DDR2: variants seen among roughly 807,000 people sequenced by gnomAD.
DDR2 encodes the protein discoidin domain receptor tyrosine kinase 2.
DDR2 carries 27 observed loss-of-function variants against 94.9 expected under a neutral mutation model. The ratio of observed to expected loss-of-function variants is 0.28; its 90% CI spans 0.21 to 0.39. The LOEUF is 0.39. DDR2 is among the 10% of genes least tolerant of loss of function. The pLI is 1.00. For synonymous variants in DDR2, 382 were observed against 377.2 expected (o/e 1.01, Z -0.15); for missense variants, 783 against 1,076.0 (o/e 0.73, Z 3.81).
chr1:162,781,245 T>G lies in DDR2; in HGVS notation c.*999T>G, dbSNP rs1212466020. The G allele has an allele frequency of 6.6e-6, 1 of 152,240 alleles. No homozygotes were observed. Among genetic ancestry groups the G allele is most frequent in the Non-Finnish European group, 1.5e-5 (1 of 68,050 alleles). The allele number at this position is 152,240 out of a possible 1,614,324, so 9.4% of individuals were successfully genotyped here. A position where few individuals can be genotyped will look rare whatever the true frequency, so the allele number is the denominator to read the frequency against. The stretch of plus-strand genomic sequence containing the variant: ...CTAGCATTTTCAAGGATGAAGCCTC[T>G]GTGGGATCTTTGGGCTTGGGGCTGA... On this transcript the variant is annotated 3_prime_UTR_variant, in exon 18 of 18. Coordinates refer to ENST00000367921, the MANE Select transcript of DDR2 (RefSeq NM_006182.4).
intron 2 of DDR2, among the ~76,000 whole-genome samples, chr1:162,665,179 C>T (rs567510214): frequency 1.3e-5 from 2 of 152,270 alleles, no homozygotes; most frequent in East Asian, 3.9e-4. Context: ...TTCTGAAACT[C>T]TACTTGTTCC....
chr1:162,679,048 T>C (rs956507101), intron 2 of DDR2, among the ~76,000 whole-genome samples: 1 of 151,964 alleles, frequency 6.6e-6, no homozygotes, highest in Non-Finnish European at 1.5e-5. Flanking sequence ...ACTAGCTCTT[T>C]TTTTTTTTTA....
chr1:162,773,733 T>C, intron 14 of DDR2, 137 bp downstream of exon 14: 2 of 1,206,080 alleles, frequency 1.7e-6, no homozygotes, highest in South Asian at 2.6e-5. Context: ...CTGTTATCCT[T>C]TTTCTTATTC....
chr1:162,735,075 G>T (rs191328411), intron 3 of DDR2, among the ~76,000 whole-genome samples: 14 of 152,262 alleles, frequency 9.2e-5, no homozygotes, highest in African/African-American at 2.9e-4. Context: ...GGACTGGATG[G>T]TTCTCAAAGG....
At position 162,785,891 on chromosome 1, in the gene DDR2, G is replaced by A. The variant is rs1233840135; in HGVS notation, c.*5645G>A. On this transcript the variant is annotated 3_prime_UTR_variant, in exon 18 of 18. Transcript: ENST00000367921. ...CAGCAATGAAAGGTAGTTCTCCACA[G>A]GACACCGAATCAAAAGGAGAGACCA... is the stretch of plus-strand genomic sequence containing the variant. 2 of 152,148 alleles carry A rather than the reference G, an allele frequency of 1.3e-5. No individual in the cohort carries two copies. Among genetic ancestry groups the A allele is most frequent in the Non-Finnish European group, 2.9e-5 (2 of 68,034 alleles). The allele number at this position is 152,148 out of a possible 1,614,324, so 9.4% of individuals were successfully genotyped here.
intron 4 of DDR2, among the ~76,000 whole-genome samples, chr1:162,753,756 G>A (rs1663327187): frequency 6.6e-6 from 1 of 152,144 alleles, no homozygotes; most frequent in Non-Finnish European, 1.5e-5. Context: ...GATTTCAGGG[G>A]TCTTGTACAT....
rs896204552 is a variant in DDR2 at position 162,783,162 on chromosome 1, A to G, written c.*2916A>G. The G allele has an allele frequency of 7.2e-5, 11 of 152,296 alleles. No individual in the cohort carries two copies. Among genetic ancestry groups the G allele is most frequent in the African/African-American group, 2.6e-4 (11 of 41,562 alleles). The allele number at this position is 152,296 out of a possible 1,614,324, so 9.4% of individuals were successfully genotyped here. On this transcript the variant is annotated 3_prime_UTR_variant, in exon 18 of 18. Transcript: ENST00000367921. ...ATCTTCTTCATGATATATGTGAATTATTTTATGTGCAGATTGTGTTTTGGG... is the reference window on the plus strand; with the variant it reads ...ATCTTCTTCATGATATATGTGAATTGTTTTATGTGCAGATTGTGTTTTGGG...
Position 162,701,574 on chromosome 1 carries a change from A to G in DDR2, c.-27-17463A>G, listed in dbSNP as rs1187798240. Among the ~76,000 whole-genome samples, 3 of 152,372 alleles carry G rather than the reference A, an allele frequency of 2.0e-5. 1 individual carries two copies. Among genetic ancestry groups the G allele is most frequent in the East Asian group, 3.9e-4 (2 of 5,184 alleles). On this transcript the variant is annotated intron_variant, in intron 2 of 17. Coordinates refer to ENST00000367921, the MANE Select transcript of DDR2 (RefSeq NM_006182.4). ...CTTTTGCACTCTGGTGAACAGACACATAGATTATTAAAACTGAAAGTGATC... is the reference window on the plus strand; with the variant it reads ...CTTTTGCACTCTGGTGAACAGACACGTAGATTATTAAAACTGAAAGTGATC...
rs527362544 is a variant in DDR2, at chr1:162,650,019, A to G, written c.-191-5192A>G. On this transcript the variant is annotated intron_variant, in intron 1 of 17. Transcript: ENST00000367921. ...GGAAGAAGGTAAAGGAAACACAGCT[A>G]TTCTCCTCTCACCCACCCCATGCAG... 2.6e-4 allele frequency among the ~76,000 whole-genome samples: 40 copies of G among 152,256 alleles called. 1 individual carries two copies. Among genetic ancestry groups the G allele is most frequent in the Non-Finnish European group, 5.4e-4 (37 of 68,018 alleles).
At chr1:162,699,301 T>C (rs1394215012) in intron 2 of DDR2, among the ~76,000 whole-genome samples, 1 of 152,252 alleles carries the variant, frequency 6.6e-6, no homozygotes, top group Admixed American at 6.5e-5. Flanking sequence ...GACTTAATAA[T>C]ATCGTCTAAA....
chr1:162,700,336 A>G (rs1379823465), intron 2 of DDR2, among the ~76,000 whole-genome samples: 3 of 152,166 alleles, frequency 2.0e-5, no homozygotes, highest in African/African-American at 7.2e-5. Context: ...TGCAATGTCT[A>G]TTGGGCTATT....
chr1:162,674,318 C>T (rs182348215), intron 2 of DDR2, among the ~76,000 whole-genome samples: 7 of 152,300 alleles, frequency 4.6e-5, no homozygotes, highest in Middle Eastern at 3.4e-3. Flanking sequence ...GCTGCAATCC[C>T]AATGCAGAGT....
At chr1:162,679,830 A>G (rs770885643) in intron 2 of DDR2, among the ~76,000 whole-genome samples, 1 of 151,916 alleles carries the variant, frequency 6.6e-6, no homozygotes. Flanking sequence ...AGCTATTCTG[A>G]TGAGTATGAG....
Position 162,785,071 on chromosome 1 carries a change from G to A in DDR2, c.*4825G>A, listed in dbSNP as rs186956329. On this transcript the variant is annotated 3_prime_UTR_variant, in exon 18 of 18. Coordinates refer to ENST00000367921, the MANE Select transcript of DDR2 (RefSeq NM_006182.4). Reference sequence around the variant, plus strand: ...TCATGAGCAATACCCTGCCTACACTGCTTCTAAATTTTCTGATTTGTTTGG... The same window carrying A: ...TCATGAGCAATACCCTGCCTACACTACTTCTAAATTTTCTGATTTGTTTGG... The A allele has an allele frequency of 6.6e-6, 1 of 152,266 alleles. No individual in the cohort carries two copies. Among genetic ancestry groups the A allele is most frequent in the East Asian group, 1.9e-4 (1 of 5,188 alleles). The allele number at this position is 152,266 out of a possible 1,614,324, so 9.4% of individuals were successfully genotyped here. A position where few individuals can be genotyped will look rare whatever the true frequency, so the allele number is the denominator to read the frequency against.
intron 3 of DDR2, among the ~76,000 whole-genome samples, chr1:162,747,977 C>A (rs1317162330): frequency 6.6e-6 from 1 of 152,130 alleles, no homozygotes; most frequent in Non-Finnish European, 1.5e-5. Flanking sequence ...ACCAGGCCTG[C>A]CCTACAAGAG....
At chr1:162,742,806 T>C (rs925085987) in intron 3 of DDR2, among the ~76,000 whole-genome samples, 25 of 152,220 alleles carry the variant, frequency 1.6e-4, no homozygotes, top group Admixed American at 1.4e-3. Flanking sequence ...CTCAGAATCA[T>C]GGCACGAGGC....
intron 3 of DDR2, among the ~76,000 whole-genome samples, chr1:162,722,856 T>C (rs1388726955): frequency 6.6e-6 from 1 of 152,192 alleles, no homozygotes. Context: ...GTGAGAACTT[T>C]ATAGCCCATA....
intron 11 of DDR2, among the ~76,000 whole-genome samples, chr1:162,767,691 A>C (rs1324775551): frequency 6.6e-6 from 1 of 152,124 alleles, no homozygotes; most frequent in Non-Finnish European, 1.5e-5. Context: ...AAAAAAATTT[A>C]ACAAGTGCTT....
At chr1:162,761,174 G>A in intron 8 of DDR2, 37 bp from the exon 9 acceptor site, 2 of 1,613,060 alleles carry the variant, frequency 1.2e-6, no homozygotes, top group South Asian at 2.2e-5. Flanking sequence ...ACCTTAGCAG[G>A]GCCAACCTAT....
Sources: allele counts gnomAD v4.1 joint callset (sites outside exome capture counted in the v4.1 genomes callset), GRCh38; gene constraint gnomAD v4.1.1; transcripts MANE v1.5; gene names NCBI Gene and HGNC (gene_info 2026-07-23, HGNC 2026-07-21).